CMIP: variants seen among roughly 807,000 people sequenced by gnomAD.
CMIP encodes the protein C-Maf-inducing protein.
CMIP carries 13 observed loss-of-function variants against 97.3 expected under a neutral mutation model. The observed-to-expected ratio is 0.13, with a 90% CI of 0.09 to 0.21. The LOEUF (loss-of-function observed/expected upper bound fraction) is 0.21, where lower values mean the gene tolerates loss of function less well. Among genes scored for constraint, CMIP ranks in the 10% least tolerant of loss-of-function variants. The pLI is 1.00. For synonymous variants in CMIP, 538 were observed against 436.3 expected (o/e 1.23, Z -2.91); for missense variants, 847 against 1,024.9 (o/e 0.83, Z 2.37).
At chr16:81,466,071 AT>A (rs1232543250) in intron 1 of CMIP, among the ~76,000 whole-genome samples, 1 of 147,026 alleles carries the variant, frequency 6.8e-6, no homozygotes, top group African/African-American at 2.5e-5. Flanking sequence ...ATTTTGTCTT[AT>A]TTTTTTGAGG....
chr16:81,588,049 G>T (rs2091410612), intron 1 of CMIP, among the ~76,000 whole-genome samples: 1 of 152,158 alleles, frequency 6.6e-6, no homozygotes, highest in Non-Finnish European at 1.5e-5. Flanking sequence ...TACTGCATTT[G>T]TCTTGATATT....
chr16:81,626,772 T>G (rs1372109931), intron 3 of CMIP, among the ~76,000 whole-genome samples: 3 of 99,268 alleles, frequency 3.0e-5, no homozygotes, highest in Non-Finnish European at 4.1e-5. Context: ...GTGTGTGGAG[T>G]GACAGAGAGA....
At chr16:81,471,185 C>G (rs568762336) in intron 1 of CMIP, among the ~76,000 whole-genome samples, 18 of 152,312 alleles carry the variant, frequency 1.2e-4, no homozygotes, top group Admixed American at 3.9e-4. Context: ...ACAATACATG[C>G]ATATAAATAT....
At chr16:81,452,731 C>A (rs907647423) in intron 1 of CMIP, among the ~76,000 whole-genome samples, 2 of 152,138 alleles carry the variant, frequency 1.3e-5, no homozygotes, top group Non-Finnish European at 2.9e-5. Flanking sequence ...CAGTTTCCTT[C>A]CTCCTGCTCT....
At chr16:81,615,161 T>A (rs1247746587) in intron 2 of CMIP, among the ~76,000 whole-genome samples, 1 of 151,798 alleles carries the variant, frequency 6.6e-6, no homozygotes, top group Non-Finnish European at 1.5e-5. Context: ...TGTGCATGTG[T>A]GTGTGGTGTA....
rs2091925374 is a variant in CMIP at position 81,616,852 on chromosome 16, T to TG, written c.427-4023dup. Among the ~76,000 whole-genome samples the TG allele has an allele frequency of 6.6e-6, 1 of 152,230 alleles. No individual in the cohort carries two copies. Among genetic ancestry groups the TG allele is most frequent in the Non-Finnish European group, 1.5e-5 (1 of 68,040 alleles). ...TCCCAGGCCTTTAGACATCAAGTGC[T>TG]GCTGTGAGAGGCAGGCTACGAGGAC... On this transcript the variant is annotated intron_variant, in intron 2 of 20. Transcript: ENST00000537098. This position sits in a 1 kb window ranked among gnomAD's most constrained non-coding sequence, Gnocchi z 4.7.
intron 1 of CMIP, among the ~76,000 whole-genome samples, chr16:81,551,562 G>A (rs1207511474): frequency 1.3e-5 from 2 of 152,220 alleles, no homozygotes; most frequent in African/African-American, 4.8e-5. Flanking sequence ...GCTGCAGTGT[G>A]TGCCTCAAAG....
chr16:81,524,899 T>G (rs1306674178), intron 1 of CMIP, among the ~76,000 whole-genome samples: 1 of 151,618 alleles, frequency 6.6e-6, no homozygotes, highest in Non-Finnish European at 1.5e-5. Context: ...GTTCAAGTGA[T>G]CCTCCTGCCT....
chr16:81,577,946 C>T (rs2091227076), intron 1 of CMIP, among the ~76,000 whole-genome samples: 1 of 151,568 alleles, frequency 6.6e-6, no homozygotes, highest in Non-Finnish European at 1.5e-5. Flanking sequence ...TTCATCACCA[C>T]CATCATCCCC....
intron 1 of CMIP, among the ~76,000 whole-genome samples, chr16:81,479,624 T>A (rs1908138005): frequency 6.6e-6 from 1 of 152,166 alleles, no homozygotes; most frequent in Non-Finnish European, 1.5e-5. Flanking sequence ...GTCTGGGTTA[T>A]GATTATTATT....
At chr16:81,615,103 G>A (rs2091893328) in intron 2 of CMIP, among the ~76,000 whole-genome samples, 1 of 100,188 alleles carries the variant, frequency 1.0e-5, no homozygotes, top group Admixed American at 1.4e-4. Flanking sequence ...TATGAGGTGT[G>A]TATGGTATGT....
At chr16:81,457,987 G>A (rs1906666831) in intron 1 of CMIP, among the ~76,000 whole-genome samples, 1 of 152,222 alleles carries the variant, frequency 6.6e-6, no homozygotes, top group African/African-American at 2.4e-5. Flanking sequence ...GATGACTCAG[G>A]ACTTCAGAGA....
At chr16:81,643,016 G>C (rs2092324148) in intron 3 of CMIP, among the ~76,000 whole-genome samples, 1 of 152,246 alleles carries the variant, frequency 6.6e-6, no homozygotes, top group South Asian at 2.1e-4. Flanking sequence ...TAAGTGGACA[G>C]AAGGCCACAT....
At chr16:81,462,650 AT>A (rs1405622417) in intron 1 of CMIP, among the ~76,000 whole-genome samples, 4 of 151,884 alleles carry the variant, frequency 2.6e-5, no homozygotes, top group Non-Finnish European at 5.9e-5. Context: ...ATGGTGAAAT[AT>A]TTTTTCTTTT....
intron 3 of CMIP, among the ~76,000 whole-genome samples, chr16:81,648,834 T>G (rs1249004563): frequency 1.4e-5 from 2 of 137,980 alleles, no homozygotes; most frequent in African/African-American, 5.4e-5. Flanking sequence ...CTGAAGAGTT[T>G]AGGGAGCTAA....
intron 1 of CMIP, among the ~76,000 whole-genome samples, chr16:81,578,854 A>G (rs1463907268): frequency 6.6e-6 from 1 of 152,182 alleles, no homozygotes; most frequent in Non-Finnish European, 1.5e-5. Context: ...CTCCAAAGCC[A>G]CTTGCTGCCC....
In CMIP at chr16:81,711,006, T is replaced by TGCCCTCCCCACCCCACCCCCGCC. The variant is rs1908705463; in HGVS notation, c.*1208_*1230dup. 1 of 151,232 alleles carries TGCCCTCCCCACCCCACCCCCGCC rather than the reference T, an allele frequency of 6.6e-6. No individual in the cohort carries two copies. The highest frequency in any genetic ancestry group is 2.0e-4 in the East Asian group (1 of 5,104). The allele number at this position is 151,232 out of a possible 1,614,324, so 9.4% of individuals were successfully genotyped here. On this transcript the variant is annotated 3_prime_UTR_variant, in exon 21 of 21. Coordinates refer to ENST00000537098, the MANE Select transcript of CMIP (RefSeq NM_198390.3). ...GATGTGTCGCCTCCGCCAGTCCGAC[T>TGCCCTCCCCACCCCACCCCCGCC]GCCCTCCCCACCCCACCCCCGCCAC...
intron 7 of CMIP, among the ~76,000 whole-genome samples, chr16:81,668,183 C>T (rs541436028): frequency 1.4e-4 from 21 of 152,132 alleles, no homozygotes; most frequent in Non-Finnish European, 2.4e-4. Flanking sequence ...GAGATGGGTA[C>T]GGAGGGACAG....
chr16:81,476,507 T>A, intron 1 of CMIP: 2 of 698,242 alleles, frequency 2.9e-6, no homozygotes, highest in Admixed American at 1.8e-5. Flanking sequence ...GAGAACACAG[T>A]GGGGTTGACC....
Sources: gnomAD v4.1 joint callset for allele counts (sites outside exome capture counted in the v4.1 genomes callset) on GRCh38, gnomAD v4.1.1 for gene constraint, Gnocchi (gnomAD v3.1) non-coding constraint, MANE v1.5 for transcripts, NCBI Gene and HGNC (gene_info 2026-07-23, HGNC 2026-07-21) for gene names.